The following DHRS4L2 variants were observed in gnomAD, a reference collection of about 807,000 sequenced individuals.
DHRS4L2 encodes dehydrogenase/reductase 4 like 2.
In DHRS4L2, 22 loss-of-function variants were observed where a neutral mutation model predicts 23.9. That is an observed-to-expected ratio of 0.92 (90% CI 0.66 to 1.31). The LOEUF is 1.31. Ranked by LOEUF, DHRS4L2 falls within the 40% of genes most tolerant of loss-of-function variation. The probability of loss-of-function intolerance (pLI) is 0.00; values close to 1 mark genes in which losing one functional copy is unlikely to be tolerated. For missense variants in DHRS4L2, 385 were observed against 303.3 expected, an observed-to-expected ratio of 1.27 and a Z score of -2.00; for synonymous variants, 141 against 123.7, an observed-to-expected ratio of 1.14 and a Z score of -0.93.
chr14:23,981,453 C>T (rs1190415449), intron 1 of DHRS4L2, among the ~76,000 whole-genome samples: 3 of 151,622 alleles, frequency 2.0e-5, no homozygotes, highest in African/African-American at 7.3e-5. Context: ...GAAAAAACTA[C>T]TTTAAATTTC....
chr14:23,985,534 C>G (rs117915450), upstream of DHRS4L2, among the ~76,000 whole-genome samples: 47 of 151,464 alleles, frequency 3.1e-4, 2 homozygotes, highest in East Asian at 3.9e-4. Context: ...TCTTCTGGAC[C>G]GCAGGCAGCC....
upstream of DHRS4L2, among the ~76,000 whole-genome samples, chr14:23,985,369 C>G (rs184993368): frequency 1.8e-3 from 274 of 151,448 alleles, 6 homozygotes; most frequent in Non-Finnish European, 2.0e-3. Context: ...TGTTAACACT[C>G]TTACTATTAT....
At chr14:23,969,975 C>G (rs1402243005) in exon 1 of DHRS4L2, 1 of 454,682 alleles carries the variant, frequency 2.2e-6, no homozygotes, top group Non-Finnish European at 4.4e-6. Context: ...GGAGCGGGCT[C>G]GCCTCTGCGG....
At chr14:23,983,811 C>T (rs574770345) in intron 1 of DHRS4L2, among the ~76,000 whole-genome samples, 1 of 151,610 alleles carries the variant, frequency 6.6e-6, no homozygotes, top group South Asian at 2.1e-4. Flanking sequence ...TGTTCTCACT[C>T]ATAAGTGGGA....
rs2034236557 is a variant in DHRS4L2, at chr14:23,990,164, G to A, written c.129-18G>A. 2 of 1,612,384 alleles carry A rather than the reference G, an allele frequency of 1.2e-6. No individual in the cohort carries two copies. The highest frequency in any genetic ancestry group is 8.5e-7 in the Non-Finnish European group (1 of 1,179,208). ...CCCTGCACAGGCCTTAGCAGTCTTT[G>A]TCTCTTTCTGCTCACAGGATCGGCT... On this transcript the variant is annotated intron_variant, in intron 1 of 7. Coordinates refer to ENST00000335125, the MANE Select transcript of DHRS4L2 (RefSeq NM_198083.4).
chr14:23,972,941 T>G (rs2033892022), intron 1 of DHRS4L2, among the ~76,000 whole-genome samples: 1 of 151,540 alleles, frequency 6.6e-6, no homozygotes, highest in Non-Finnish European at 1.5e-5. Flanking sequence ...GTCGGTGGAG[T>G]AAAGAATAAC....
chr14:23,995,731 A>T (rs1594471711), intron 3 of DHRS4L2, among the ~76,000 whole-genome samples: 1 of 151,876 alleles, frequency 6.6e-6, no homozygotes, highest in East Asian at 1.9e-4. Context: ...GTATAATTAC[A>T]TTATATTCAT....
chr14:23,970,348 C>T (rs1566482975), intron 1 of DHRS4L2: 1 of 382,304 alleles, frequency 2.6e-6, no homozygotes, highest in Non-Finnish European at 5.2e-6. Context: ...GTGGAGAGGG[C>T]GGTGGGGGGC....
upstream of DHRS4L2, among the ~76,000 whole-genome samples, chr14:23,986,012 C>T (rs527344311): frequency 4.0e-5 from 6 of 151,592 alleles, no homozygotes; most frequent in South Asian, 1.3e-3. Context: ...AACTCCAGAC[C>T]ACACCCGGCT....
At chr14:23,986,853 G>A (rs2034154773), upstream of DHRS4L2, among the ~76,000 whole-genome samples, 1 of 151,590 alleles carries the variant, frequency 6.6e-6, no homozygotes, top group Non-Finnish European at 1.5e-5. Context: ...TTCCCACAGT[G>A]CATGAGCTCC....
intron 3 of DHRS4L2, among the ~76,000 whole-genome samples, chr14:24,000,620 C>T (rs1045179275): frequency 6.6e-6 from 1 of 151,854 alleles, no homozygotes; most frequent in African/African-American, 2.4e-5. Flanking sequence ...GATTATGAAA[C>T]AAGATGAACC....
chr14:24,005,634 C>G (rs1434537544), intron 7 of DHRS4L2, among the ~76,000 whole-genome samples: 1 of 151,944 alleles, frequency 6.6e-6, no homozygotes, highest in African/African-American at 2.4e-5. Flanking sequence ...GTCCTGAGCT[C>G]TCTAAAAACC....
At chr14:23,985,747 T>C (rs953111458), upstream of DHRS4L2, among the ~76,000 whole-genome samples, 1 of 151,418 alleles carries the variant, frequency 6.6e-6, no homozygotes, top group Admixed American at 6.6e-5. Context: ...GAGTCGCTCC[T>C]TCTGTTGCCC....
At chr14:23,974,615 A>G (rs2033931344) in intron 1 of DHRS4L2, among the ~76,000 whole-genome samples, 1 of 151,836 alleles carries the variant, frequency 6.6e-6, no homozygotes, top group East Asian at 1.9e-4. Flanking sequence ...AGAATACTAT[A>G]AACACCTCTA....
At chr14:23,984,151 T>G (rs2034100287), upstream of DHRS4L2, among the ~76,000 whole-genome samples, 1 of 151,586 alleles carries the variant, frequency 6.6e-6, no homozygotes, top group Admixed American at 6.6e-5. Flanking sequence ...GTGGAAACAA[T>G]TTTTAAAAGA....
intron 1 of DHRS4L2, among the ~76,000 whole-genome samples, chr14:23,971,444 G>C (rs1444848400): frequency 6.6e-6 from 1 of 151,850 alleles, no homozygotes; most frequent in African/African-American, 2.4e-5. Flanking sequence ...GAGAAGACAA[G>C]ATTAGAGACA....
At chr14:23,992,518 GCA>G (rs201138412) in intron 2 of DHRS4L2, among the ~76,000 whole-genome samples, 1 of 151,014 alleles carries the variant, frequency 6.6e-6, no homozygotes, top group Admixed American at 6.6e-5. Flanking sequence ...CTCCTCATCT[GCA>G]CACCACGAAG....
rs145684750 is a variant in DHRS4L2, at chr14:23,995,032, G to A, written c.307G>A (p.Ala103Thr). 2 of 1,612,824 alleles carry A rather than the reference G, an allele frequency of 1.2e-6. No homozygotes were observed. Among genetic ancestry groups the A allele is most frequent in the Non-Finnish European group, 8.5e-7 (1 of 1,179,418 alleles). ...AEDRERLVAM[A>T]VKLHGGIDIL... is the part of the protein sequence containing the mutation. ...GTCCAGACCTTACCCCTCTCTCTAG[G>A]CTGTGAAGCTTCATGGAGGTATCGA... The change falls in exon 3 of 8, where the codon GCT becomes ACT. Residue 103 changes from alanine (A) to threonine (T), a missense_variant and splice_region_variant. By Grantham distance (58) the Ala-to-Thr change is moderately conservative. Coordinates refer to ENST00000335125, the MANE Select transcript of DHRS4L2 (RefSeq NM_198083.4).
chr14:24,001,642 C>G lies in DHRS4L2; in HGVS notation c.665+125C>G, dbSNP rs1372392500. 1.7e-5 allele frequency: 24 copies of G among 1,404,614 alleles called. 1 individual carries two copies. Among genetic ancestry groups the G allele is most frequent in the Non-Finnish European group, 1.8e-5 (19 of 1,053,744 alleles). 87.0% of individuals were successfully genotyped at this position (1,404,614 alleles called of 1,614,324 possible). A position where few individuals can be genotyped will look rare whatever the true frequency, so the allele number is the denominator to read the frequency against. ...TCCATTCTCCTTCCCTGGACTTTCCCATATTCCCTCTCTGTACCACCTGCC... is the reference window on the plus strand; with the variant it reads ...TCCATTCTCCTTCCCTGGACTTTCCGATATTCCCTCTCTGTACCACCTGCC... On this transcript the variant is annotated intron_variant, in intron 6 of 7. Coordinates refer to ENST00000335125, the MANE Select transcript of DHRS4L2 (RefSeq NM_198083.4).
Sources: gnomAD v4.1 joint callset for allele counts (sites outside exome capture counted in the v4.1 genomes callset) on GRCh38, gnomAD v4.1.1 for gene constraint, MANE v1.5 for transcripts, NCBI Gene and HGNC (gene_info 2026-07-23, HGNC 2026-07-21) for gene names.